TTLL3: variants seen among roughly 807,000 people sequenced by gnomAD.
TTLL3 encodes tubulin tyrosine ligase like 3.
Under a neutral mutation model 75.2 loss-of-function variants are expected in TTLL3, and 63 were observed. The ratio of observed to expected loss-of-function variants is 0.84; its 90% CI spans 0.68 to 1.03. TTLL3 has a LOEUF of 1.03. TTLL3 is among the 50% of genes least tolerant of loss of function. The pLI is 0.00. For missense variants in TTLL3, 997 were observed against 1,069.9 expected (o/e 0.93, Z 0.95); for synonymous variants, 393 against 418.5 (o/e 0.94, Z 0.74).
intron 12 of TTLL3, among the ~76,000 whole-genome samples, chr3:9,833,634 A>G (rs2125000110): frequency 6.6e-6 from 1 of 152,200 alleles, no homozygotes; most frequent in East Asian, 1.9e-4. Flanking sequence ...CCCACCAAAG[A>G]GCCACCAGTA....
At position 9,835,667 on chromosome 3, in the gene TTLL3, C is replaced by T. The variant is rs553080979; in HGVS notation, c.*178C>T. ...AGGAGGCATGGCTTACCCAAGATCACGTGGCAGTGAGTCGACGCAGGGACA... is the reference window on the plus strand; with the variant it reads ...AGGAGGCATGGCTTACCCAAGATCATGTGGCAGTGAGTCGACGCAGGGACA... On this transcript the variant is annotated 3_prime_UTR_variant, in exon 14 of 14. Transcript: ENST00000685419. 2.1e-5 allele frequency: 13 copies of T among 624,716 alleles called. No homozygotes were observed. Among genetic ancestry groups the T allele is most frequent in the East Asian group, 1.8e-4 (6 of 34,016 alleles). The allele number at this position is 624,716 out of a possible 1,614,324, so 38.7% of individuals were successfully genotyped here.
chr3:9,819,133 A>C, intron 7 of TTLL3: 3 of 604,196 alleles, frequency 5.0e-6, no homozygotes, highest in South Asian at 2.1e-5. Context: ...TGATCTACCG[A>C]TTCACCCACC....
chr3:9,832,714 A>G (rs1575416865), intron 11 of TTLL3, among the ~76,000 whole-genome samples: 1 of 151,860 alleles, frequency 6.6e-6, no homozygotes, highest in African/African-American at 2.4e-5. Context: ...GCAGGCTCCA[A>G]ACCTCTTACT....
chr3:9,816,422 G>A (rs1417200751), intron 5 of TTLL3, among the ~76,000 whole-genome samples: 1 of 152,122 alleles, frequency 6.6e-6, no homozygotes, highest in Non-Finnish European at 1.5e-5. Flanking sequence ...TGGGTCTGGA[G>A]GTAGAACAAT....
intron 13 of TTLL3, 64 bp from the exon 14 acceptor site, chr3:9,835,030 T>C: frequency 1.9e-6 from 3 of 1,590,522 alleles, no homozygotes; most frequent in South Asian, 1.1e-5. Context: ...CTGGTCTCCC[T>C]CAGAAGCCCC....
rs2080027732 is a variant in TTLL3 at position 9,817,785 on chromosome 3, T to C, written c.559+26T>C. The C allele has an allele frequency of 1.9e-6, 3 of 1,613,772 alleles. No individual in the cohort carries two copies. In the East Asian group the frequency reaches 6.7e-5, roughly 36 times the overall value. On this transcript the variant is annotated intron_variant, in intron 6 of 13. Transcript: ENST00000685419. ...GTAAGGAGACCCCCAGCCCTATGCC[T>C]GAACCTCAGGCTGACAGAGCAGGGC...
chr3:9,828,966 G>A lies in TTLL3; in HGVS notation c.1254G>A (p.Val418=). The change falls in exon 11 of 14, where the codon GTG becomes GTA. Residue 418 remains valine, a synonymous_variant. Coordinates refer to ENST00000685419, the MANE Select transcript of TTLL3 (RefSeq NM_001387446.1). The part of the protein sequence containing the change: ...PFSLKNLDNS[V]HLCNNSIQKH... ...TTTCTGTTCTCTGCCCCAGCTCAGT[G>A]CACCTGTGCAACAACTCCATCCAGA... is the stretch of plus-strand genomic sequence containing the variant. The A allele has an allele frequency of 6.2e-7, 1 of 1,614,156 alleles. No homozygotes were observed. The highest frequency in any genetic ancestry group is 8.5e-7 in the Non-Finnish European group (1 of 1,180,022).
At chr3:9,813,635 A>G (rs1291932240) in intron 4 of TTLL3, among the ~76,000 whole-genome samples, 1 of 151,964 alleles carries the variant, frequency 6.6e-6, no homozygotes, top group Non-Finnish European at 1.5e-5. Context: ...GTAGAAAAAC[A>G]TTATCCGGGT....
chr3:9,820,635 C>G lies in TTLL3; in HGVS notation c.748C>G (p.Leu250Val). 1 of 1,614,116 alleles carries G rather than the reference C, an allele frequency of 6.2e-7. No individual in the cohort carries two copies. Among genetic ancestry groups the G allele is most frequent in the South Asian group, 1.1e-5 (1 of 91,076 alleles). ...AGCTCTGTGTGCGTGCGAGGAGTAC[C>G]TTAGCAACTTGGCCCACATGGACAT... ...DEALCACEEY[L>V]SNLAHMDIDK... is the part of the protein sequence containing the mutation. The change falls in exon 8 of 14, where the codon CTT (leucine) becomes GTT (valine). Residue 250 changes from leucine to valine, a missense_variant. By Grantham distance (32) the Leu-to-Val change is conservative. Transcript: ENST00000685419.
rs1037854044 is a variant in TTLL3 at position 9,835,520 on chromosome 3, C to A, written c.*31C>A. ...TCAGCAGCTCCTCCGTGCAGCGAGG[C>A]CCAGAATTCCCACCTAAGGACAGAC... On this transcript the variant is annotated 3_prime_UTR_variant, in exon 14 of 14. Transcript: ENST00000685419. The A allele has an allele frequency of 7.8e-6, 12 of 1,535,080 alleles. No homozygotes were observed. The highest frequency in any genetic ancestry group is 7.9e-6 in the Non-Finnish European group (9 of 1,144,722).
intron 4 of TTLL3, among the ~76,000 whole-genome samples, chr3:9,813,895 G>C (rs2079572071): frequency 6.6e-6 from 1 of 152,142 alleles, no homozygotes; most frequent in Non-Finnish European, 1.5e-5. Flanking sequence ...GGTCATACCA[G>C]ATGCCAGCAC....
rs996770623 is a variant in TTLL3 at position 9,822,605 on chromosome 3, C to G, written c.854+1864C>G. Among the ~76,000 whole-genome samples the G allele has an allele frequency of 5.9e-5, 9 of 151,600 alleles. No individual in the cohort carries two copies. In the East Asian group the frequency reaches 1.7e-3, roughly 29 times the overall value. ...GTGGCGCAGTCTTGGCTCACTGCAACCTCTGCCTCCCAGGCTCAAGTGATT... is the reference window on the plus strand; with the variant it reads ...GTGGCGCAGTCTTGGCTCACTGCAAGCTCTGCCTCCCAGGCTCAAGTGATT... On this transcript the variant is annotated intron_variant, in intron 8 of 13. Coordinates refer to ENST00000685419, the MANE Select transcript of TTLL3 (RefSeq NM_001387446.1).
chr3:9,825,453 C>T (rs990106282), intron 8 of TTLL3: 9 of 348,034 alleles, frequency 2.6e-5, no homozygotes, highest in Non-Finnish European at 5.1e-5. Flanking sequence ...ATGCCTGGCA[C>T]ATAGTGGTGC....
At position 9,819,710 on chromosome 3, in the gene TTLL3, A is replaced by G. The variant is rs73116119; in HGVS notation, c.658+790A>G. The G allele has an allele frequency of 9.9e-4, 980 of 985,464 alleles. 8 individuals are homozygous for G. The African/African-American group carries it at 0.016, about 16-fold the overall frequency. 61.0% of individuals were successfully genotyped at this position (985,464 alleles called of 1,614,324 possible). On this transcript the variant is annotated intron_variant, in intron 7 of 13. Transcript: ENST00000685419. ...TCCTAGTCCTGTAATCCAGGGACCC[A>G]TCAGCGAGGGATTCAGGGAAGCAGA...
In TTLL3 at chr3:9,810,772, G is replaced by T. The variant is rs367627895; in HGVS notation, c.48+63G>T. On this transcript the variant is annotated intron_variant, in intron 2 of 13. Coordinates refer to ENST00000685419, the MANE Select transcript of TTLL3 (RefSeq NM_001387446.1). The surrounding 1 kb of genome is among the most constrained non-coding windows in gnomAD (Gnocchi z 4.4). ...GGAGCGGCTCAGCCTGTCTCCCTGC[G>T]CTGTTTTCTTATATCCTTAAAAAAC... 153 of 1,441,140 alleles carry T rather than the reference G, an allele frequency of 1.1e-4. No individual in the cohort carries two copies. The highest frequency in any genetic ancestry group is 5.6e-4 in the African/African-American group (39 of 69,320). The allele number at this position is 1,441,140 out of a possible 1,614,324, so 89.3% of individuals were successfully genotyped here. A position where few individuals can be genotyped will look rare whatever the true frequency, so the allele number is the denominator to read the frequency against.
upstream of TTLL3, chr3:9,810,243 C>T (rs916739294): frequency 2.7e-6 from 4 of 1,508,738 alleles, no homozygotes; most frequent in South Asian, 1.2e-5. The surrounding 1 kb of genome is among the most constrained non-coding windows in gnomAD (Gnocchi z 4.4). Flanking sequence ...GTCACGCAGG[C>T]GGCAGATGCC....
chr3:9,822,062 C>CTTTTTT (rs1201552537), intron 8 of TTLL3, among the ~76,000 whole-genome samples: 1 of 75,356 alleles, frequency 1.3e-5, no homozygotes, highest in African/African-American at 5.1e-5. Flanking sequence ...GCACGAGTCC[C>CTTTTTT]TTTTTTTTTT....
At chr3:9,831,179 TG>T (rs567591272) in intron 11 of TTLL3, among the ~76,000 whole-genome samples, 115 of 87,496 alleles carry the variant, frequency 1.3e-3, no homozygotes, top group African/African-American at 4.2e-3. Flanking sequence ...TACCTTGCAC[TG>T]TTTTTTTTTG....
upstream of TTLL3, chr3:9,809,899 A>C: frequency 1.3e-6 from 1 of 791,844 alleles, no homozygotes; most frequent in Non-Finnish European, 1.7e-6. Context: ...GGGGCTTGGA[A>C]CGGAGGACAA....
Sources: gnomAD v4.1 joint callset for allele counts (sites outside exome capture counted in the v4.1 genomes callset) on GRCh38, gnomAD v4.1.1 for gene constraint, Gnocchi (gnomAD v3.1) non-coding constraint, MANE v1.5 for transcripts, NCBI Gene and HGNC (gene_info 2026-07-23, HGNC 2026-07-21) for gene names.